The following ZNF490 variants were observed in gnomAD, a reference collection of about 807,000 sequenced individuals.
ZNF490 encodes the protein zinc finger protein 490.
Under a neutral mutation model 17.7 loss-of-function variants are expected in ZNF490, and 11 were observed. The ratio of observed to expected loss-of-function variants is 0.62; its 90% CI spans 0.39 to 1.03. ZNF490 has a LOEUF of 1.03. ZNF490 is among the 50% of genes least tolerant of loss of function. ZNF490 has a pLI of 0.00. For missense variants in ZNF490, 542 were observed against 643.4 expected (o/e 0.84, Z 1.71); for synonymous variants, 222 against 216.1 (o/e 1.03, Z -0.24).
At chr19:12,584,046 G>A (rs1399324861) in intron 2 of ZNF490, among the ~76,000 whole-genome samples, 3 of 148,480 alleles carry the variant, frequency 2.0e-5, no homozygotes, top group Admixed American at 6.8e-5. Flanking sequence ...TCCTGACCTC[G>A]TGATCCGCCC....
At chr19:12,588,994 A>G (rs2022834694) in intron 2 of ZNF490, among the ~76,000 whole-genome samples, 1 of 152,194 alleles carries the variant, frequency 6.6e-6, no homozygotes, top group Non-Finnish European at 1.5e-5. Context: ...CCAAAGAATG[A>G]TCTGTAATCA....
rs924385739 is a variant in ZNF490 at position 12,581,831 on chromosome 19, T to A, written c.351-107A>T. Reference sequence around the variant, plus strand: ...AAATATTTTCACAGAAACTGTATGTTATCTGCCCTGTCTAAATTGTTTTGA... The same window carrying A: ...AAATATTTTCACAGAAACTGTATGTAATCTGCCCTGTCTAAATTGTTTTGA... On this transcript the variant is annotated intron_variant, in intron 4 of 4. Transcript: ENST00000311437. The A allele has an allele frequency of 2.9e-6, 3 of 1,031,476 alleles. No individual in the cohort carries two copies. In the African/African-American group the frequency reaches 4.9e-5, roughly 17 times the overall value. The allele number at this position is 1,031,476 out of a possible 1,614,324, so 63.9% of individuals were successfully genotyped here.
rs762024644 is a variant in ZNF490 at position 12,580,892 on chromosome 19, ATT to A, written c.1181_1182del (p.Gln394LeufsTer3). ...HFGEKPYECK[Q>X]CGKAFNSSSY... ...CTTGAAGAATTGAAGGCTTTACCAC[ATT>A]GTTTACATTCATAGGGTTTTTCTCC... is the stretch of plus-strand genomic sequence containing the variant. On this transcript the variant is annotated frameshift_variant, in exon 5 of 5. Transcript: ENST00000311437. LOFTEE classifies it low-confidence loss of function (END_TRUNC). 12 of 1,614,202 alleles carry A rather than the reference ATT, an allele frequency of 7.4e-6. No individual in the cohort carries two copies. The highest frequency in any genetic ancestry group is 1.1e-5 in the South Asian group (1 of 91,088).
intron 3 of ZNF490, 60 bp downstream of exon 3, chr19:12,583,367 AGTT>A (rs1269857023): frequency 3.3e-6 from 5 of 1,500,846 alleles, no homozygotes. Context: ...CTTGGAACTC[AGTT>A]GTTGTGCAAG....
At position 12,581,665 on chromosome 19, in the gene ZNF490, G is replaced by C; in HGVS notation, c.410C>G (p.Thr137Ser). Reference sequence around the variant, plus strand: ...CGTATTAAGATCAGGAATCTGGCTAGTGCTTTTTCCACATGGACAATCTTC... The same window carrying C: ...CGTATTAAGATCAGGAATCTGGCTACTGCTTTTTCCACATGGACAATCTTC... Reference protein sequence around the residue: ...NKEDCPCGKSTSQIPDLNTNL... With the variant: ...NKEDCPCGKSSSQIPDLNTNL... Residue 137 changes from threonine (T) to serine (S), a missense_variant, in exon 5 of 5, where the codon ACT becomes AGT. Transcript: ENST00000311437. 1 of 1,614,094 alleles carries C rather than the reference G, an allele frequency of 6.2e-7. No individual in the cohort carries two copies. The highest frequency in any genetic ancestry group is 8.5e-7 in the Non-Finnish European group (1 of 1,179,992).
chr19:12,596,314 G>A (rs938272237), intron 2 of ZNF490, among the ~76,000 whole-genome samples: 11 of 147,048 alleles, frequency 7.5e-5, no homozygotes, highest in African/African-American at 1.8e-4. Flanking sequence ...GGAAAGAAAC[G>A]CAAATGTTTT....
In ZNF490 at chr19:12,579,908, G is replaced by C. The variant is rs979963562; in HGVS notation, c.*577C>G. 1.3e-5 allele frequency: 2 copies of C among 154,430 alleles called. No individual in the cohort carries two copies. The highest frequency in any genetic ancestry group is 4.8e-5 in the African/African-American group (2 of 41,460). The allele number at this position is 154,430 out of a possible 1,614,324, so 9.6% of individuals were successfully genotyped here. A position where few individuals can be genotyped will look rare whatever the true frequency, so the allele number is the denominator to read the frequency against. ...AGATCACCTGAGGTCAGGAGTTTGA[G>C]ACCAGCCTGACCAACATGGAGAAAC... On this transcript the variant is annotated 3_prime_UTR_variant, in exon 5 of 5. Coordinates refer to ENST00000311437, the MANE Select transcript of ZNF490 (RefSeq NM_020714.3).
Position 12,577,632 on chromosome 19 carries a change from T to C in ZNF490, c.*2853A>G. On this transcript the variant is annotated 3_prime_UTR_variant, in exon 5 of 5. Coordinates refer to ENST00000311437, the MANE Select transcript of ZNF490 (RefSeq NM_020714.3). ...CCGTCACTTCCACTGAGGCCTCATC[T>C]GCCAGCAAACCTTGCTCCAGTCGGC... 1 of 985,504 alleles carries C rather than the reference T, an allele frequency of 1.0e-6. No individual in the cohort carries two copies. Among genetic ancestry groups the C allele is most frequent in the Non-Finnish European group, 1.2e-6 (1 of 829,970 alleles). 61.0% of individuals were successfully genotyped at this position (985,504 alleles called of 1,614,324 possible).
intron 2 of ZNF490, among the ~76,000 whole-genome samples, chr19:12,596,798 C>CA (rs1412421711): frequency 2.0e-5 from 3 of 151,696 alleles, no homozygotes; most frequent in Admixed American, 6.6e-5. Context: ...CCCCTAGCTG[C>CA]AAAAAAAATG....
intron 1 of ZNF490, among the ~76,000 whole-genome samples, 163 bp downstream of exon 1, chr19:12,610,401 T>C (rs1394351973): frequency 6.6e-6 from 1 of 151,340 alleles, no homozygotes; most frequent in Non-Finnish European, 1.5e-5. Flanking sequence ...GTGCCAAATG[T>C]GTGGAGGTGG....
intron 2 of ZNF490, among the ~76,000 whole-genome samples, chr19:12,590,469 T>C (rs535972236): frequency 6.7e-6 from 1 of 148,400 alleles, no homozygotes; most frequent in Admixed American, 6.8e-5. Flanking sequence ...CCCCAACCCC[T>C]GCCTCGGCCT....
Position 12,581,525 on chromosome 19 carries a change from T to A in ZNF490, c.550A>T (p.Asn184Tyr). The stretch of plus-strand genomic sequence containing the variant: ...TTCTCTCCATATTCGTGACACTCAT[T>A]TGGTTTCTGTTCAGTGTGAGATCTC... ...HMRSHTEQKPNECHEYGEKPH... is the reference protein window; with the variant it reads ...HMRSHTEQKPYECHEYGEKPH... The change falls in exon 5 of 5, where the codon AAT (asparagine) becomes TAT (tyrosine). Residue 184 changes from asparagine (N) to tyrosine (Y), a missense_variant. By Grantham distance (143) the Asn-to-Tyr change is moderately radical. Coordinates refer to ENST00000311437, the MANE Select transcript of ZNF490 (RefSeq NM_020714.3). The A allele has an allele frequency of 6.2e-7, 1 of 1,614,188 alleles. No homozygotes were observed. The highest frequency in any genetic ancestry group is 8.5e-7 in the Non-Finnish European group (1 of 1,180,036).
Position 12,578,073 on chromosome 19 carries a change from G to A in ZNF490, c.*2412C>T. On this transcript the variant is annotated 3_prime_UTR_variant, in exon 5 of 5. Transcript: ENST00000311437. ...GCACCTCCCATACACAACAGAGCTG[G>A]AGCGCTGCAGGGTGGGTCCTTTTCC... 1 of 985,502 alleles carries A rather than the reference G, an allele frequency of 1.0e-6. No homozygotes were observed. Among genetic ancestry groups the A allele is most frequent in the African/African-American group, 1.7e-5 (1 of 57,372 alleles). The allele number at this position is 985,502 out of a possible 1,614,324, so 61.0% of individuals were successfully genotyped here.
At chr19:12,592,437 C>T (rs1225199890) in intron 2 of ZNF490, among the ~76,000 whole-genome samples, 2 of 150,466 alleles carry the variant, frequency 1.3e-5, no homozygotes, top group East Asian at 3.9e-4. Flanking sequence ...TTGACTTGAA[C>T]ATATATTATT....
chr19:12,591,067 A>G (rs1380638726), intron 2 of ZNF490, among the ~76,000 whole-genome samples: 3 of 152,152 alleles, frequency 2.0e-5, no homozygotes, highest in African/African-American at 7.2e-5. Flanking sequence ...AACATAAATT[A>G]TAAGTTTGAC....
At position 12,580,047 on chromosome 19, in the gene ZNF490, C is replaced by T. The variant is rs148423854; in HGVS notation, c.*438G>A. The T allele has an allele frequency of 1.6e-3, 1,115 of 691,890 alleles. 10 individuals carry two copies. In the African/African-American group the frequency reaches 0.021, roughly 13 times the overall value. 42.9% of individuals were successfully genotyped at this position (691,890 alleles called of 1,614,324 possible). On this transcript the variant is annotated 3_prime_UTR_variant, in exon 5 of 5. Transcript: ENST00000311437. The stretch of plus-strand genomic sequence containing the variant: ...GCTTGAATCCGGGAGGCGGAGGTTG[C>T]GGTGAGCCGCGATCGCACCACTGCA...
intron 2 of ZNF490, among the ~76,000 whole-genome samples, chr19:12,585,736 C>T (rs2022802421): frequency 1.1e-5 from 1 of 93,096 alleles, no homozygotes; most frequent in Admixed American, 1.0e-4. Context: ...GTCACCCAGG[C>T]TGGAGTGCAG....
At chr19:12,609,907 C>T (rs1478771118) in intron 1 of ZNF490, 8 of 454,806 alleles carry the variant, frequency 1.8e-5, no homozygotes, top group Non-Finnish European at 3.5e-5. Flanking sequence ...GTGATGGGTG[C>T]ACTAAAAGCC....
intron 2 of ZNF490, among the ~76,000 whole-genome samples, chr19:12,600,359 CTG>C (rs889126791): frequency 2.0e-5 from 3 of 150,856 alleles, no homozygotes; most frequent in Non-Finnish European, 4.4e-5. Context: ...GAGCGAGACT[CTG>C]TCTCAAAAAA....
Sources: gnomAD v4.1 joint callset for allele counts (sites outside exome capture counted in the v4.1 genomes callset) on GRCh38, gnomAD v4.1.1 for gene constraint, MANE v1.5 for transcripts, NCBI Gene and HGNC (gene_info 2026-07-23, HGNC 2026-07-21) for gene names.